CIMAP2: variants seen among roughly 807,000 people sequenced by gnomAD.
CIMAP2 encodes the protein ciliary microtubule associated protein 2, also known as ciliary microtubule-associated protein 2.
chr1:54,816,011 T>TA, the CIMAP2 span, among the ~76,000 whole-genome samples: 2 of 152,202 alleles, frequency 1.3e-5, no homozygotes, highest in South Asian at 4.1e-4. Flanking sequence ...TTCCTTTTTT[T>TA]ACCTCTAGCC....
the CIMAP2 span, among the ~76,000 whole-genome samples, chr1:54,818,393 C>G: frequency 6.6e-6 from 1 of 150,440 alleles, no homozygotes; most frequent in Admixed American, 6.6e-5. Context: ...TTCTCTCTCT[C>G]TCTTCTTTCT....
the CIMAP2 span, chr1:54,811,773 G>GCACCC: frequency 2.3e-6 from 3 of 1,325,052 alleles, no homozygotes; most frequent in South Asian, 1.3e-5. Flanking sequence ...CAGCCTCCAT[G>GCACCC]CCCCCACCCC....
chr1:54,839,789 C>T, the CIMAP2 span, among the ~76,000 whole-genome samples: 1 of 152,100 alleles, frequency 6.6e-6, no homozygotes, highest in African/African-American at 2.4e-5. Context: ...AACACTCTGT[C>T]ACCCAAGCTA....
At chr1:54,829,818 G>T in the CIMAP2 span, among the ~76,000 whole-genome samples, 2 of 152,082 alleles carry the variant, frequency 1.3e-5, no homozygotes, top group African/African-American at 4.8e-5. Context: ...AAAGATTAAA[G>T]ATTAATATAT....
At chr1:54,820,763 C>T in the CIMAP2 span, among the ~76,000 whole-genome samples, 2 of 151,326 alleles carry the variant, frequency 1.3e-5, no homozygotes, top group Admixed American at 6.6e-5. Flanking sequence ...ATGTCCTTTG[C>T]CCACTTTTTT....
chr1:54,811,765 G>GCCGGCGGGGGGCCCCCCCC, the CIMAP2 span: 1 of 1,301,330 alleles, frequency 7.7e-7, no homozygotes, highest in Non-Finnish European at 1.1e-6. Context: ...GGTTCTGACA[G>GCCGGCGGGGGGCCCCCCCC]CCTCCATGCC....
At chr1:54,838,339 C>T in the CIMAP2 span, among the ~76,000 whole-genome samples, 307 of 151,808 alleles carry the variant, frequency 2.0e-3, no homozygotes, top group Non-Finnish European at 3.4e-3. Flanking sequence ...AAAAATTAGC[C>T]GGGTGCGGTG....
the CIMAP2 span, chr1:54,806,888 C>A: frequency 9.7e-7 from 1 of 1,028,136 alleles, no homozygotes; most frequent in Non-Finnish European, 1.5e-6. Context: ...CATGAGCTTG[C>A]TCCAAAGTCA....
the CIMAP2 span, among the ~76,000 whole-genome samples, chr1:54,821,174 C>T: frequency 6.6e-6 from 1 of 151,750 alleles, no homozygotes; most frequent in African/African-American, 2.4e-5. Flanking sequence ...TTCTCCTATT[C>T]TACACGTTGT....
the CIMAP2 span, chr1:54,811,765 G>GCCGGGGGGGGCCCCCCCCCCCCCCC: frequency 1.5e-6 from 2 of 1,301,320 alleles, no homozygotes; most frequent in Non-Finnish European, 2.2e-6. Context: ...GGTTCTGACA[G>GCCGGGGGGGGCCCCCCCCCCCCCCC]CCTCCATGCC....
At chr1:54,836,373 G>A in the CIMAP2 span, among the ~76,000 whole-genome samples, 2 of 151,520 alleles carry the variant, frequency 1.3e-5, no homozygotes, top group African/African-American at 2.4e-5. Context: ...TATTTCTGGT[G>A]GGGGTGGATG....
chr1:54,813,970 A>G, the CIMAP2 span: 1 of 1,602,020 alleles, frequency 6.2e-7, no homozygotes, highest in Admixed American at 1.7e-5. Context: ...GTGCCCCCGC[A>G]CACTGGTGAG....
At chr1:54,808,649 C>A in the CIMAP2 span, among the ~76,000 whole-genome samples, 1 of 139,370 alleles carries the variant, frequency 7.2e-6, no homozygotes, top group Non-Finnish European at 1.5e-5. Context: ...AGGAAGAGGA[C>A]CTAACTTACC....
At chr1:54,829,441 T>C in the CIMAP2 span, among the ~76,000 whole-genome samples, 1 of 152,218 alleles carries the variant, frequency 6.6e-6, no homozygotes, top group African/African-American at 2.4e-5. Context: ...AACTTCAGCA[T>C]TGTCCATGAA....
the CIMAP2 span, chr1:54,815,124 C>G: frequency 4.5e-6 from 7 of 1,559,156 alleles, no homozygotes; most frequent in Non-Finnish European, 6.1e-6. Flanking sequence ...CCCAGGTAAC[C>G]GATGCTTTGA....
the CIMAP2 span, among the ~76,000 whole-genome samples, chr1:54,815,942 A>T: frequency 1.4e-5 from 2 of 147,518 alleles, no homozygotes; most frequent in African/African-American, 5.1e-5. Flanking sequence ...CAAGGTCCTC[A>T]GTGTGCCCAG....
chr1:54,811,919 C>T, the CIMAP2 span: 1 of 1,614,122 alleles, frequency 6.2e-7, no homozygotes, highest in Non-Finnish European at 8.5e-7. Context: ...AGCCACACCC[C>T]CGGCCTCATC....
At chr1:54,812,064 G>A in the CIMAP2 span, 27 of 1,613,992 alleles carry the variant, frequency 1.7e-5, no homozygotes, top group Non-Finnish European at 2.1e-5. Context: ...TCTGGGACCC[G>A]GCACCTACTT....
At chr1:54,812,121 C>T in the CIMAP2 span, 47 of 1,614,088 alleles carry the variant, frequency 2.9e-5, no homozygotes, top group African/African-American at 1.2e-4. Flanking sequence ...CGTCGGCACC[C>T]GCGGCCCCTA....
Sources: allele counts gnomAD v4.1 joint callset (sites outside exome capture counted in the v4.1 genomes callset), GRCh38; gene constraint gnomAD v4.1.1; transcripts MANE v1.5; gene names NCBI Gene and HGNC (gene_info 2026-07-23, HGNC 2026-07-21).